The following LRRC37A2 variants were observed in gnomAD, a reference collection of about 807,000 sequenced individuals.
LRRC37A2 encodes the protein leucine-rich repeat-containing protein 37A2.
In LRRC37A2, 9 loss-of-function variants were observed where a neutral mutation model predicts 68.8. The observed-to-expected ratio is 0.13, with a 90% CI of 0.08 to 0.23. The LOEUF (loss-of-function observed/expected upper bound fraction) is 0.23. Ranked by LOEUF, LRRC37A2 falls within the 10% of genes least tolerant of loss-of-function variation. LRRC37A2 has a pLI of 1.00. For synonymous variants in LRRC37A2, 63 were observed against 367.6 expected (o/e 0.17, Z 9.48); for missense variants, 168 against 950.4 (o/e 0.18, Z 10.82).
chr17:46,940,099 T>A, the LRRC37A2 span: 2 of 1,158,336 alleles, frequency 1.7e-6, no homozygotes, highest in South Asian at 5.3e-5. Flanking sequence ...TTTCCCTTCC[T>A]TTCTGTGTTC....
chr17:46,884,923 G>A, the LRRC37A2 span: 1 of 347,216 alleles, frequency 2.9e-6, no homozygotes, highest in South Asian at 2.1e-5. Context: ...AGTGAAATTT[G>A]TGAACTCCCC....
chr17:46,501,062 A>T, the LRRC37A2 span, among the ~76,000 whole-genome samples: 1 of 151,304 alleles, frequency 6.6e-6, no homozygotes, highest in African/African-American at 2.5e-5. Flanking sequence ...GGTACTTTTT[A>T]AAATTTTTTT....
At chr17:46,871,645 G>T in the LRRC37A2 span, among the ~76,000 whole-genome samples, 1 of 152,186 alleles carries the variant, frequency 6.6e-6, no homozygotes, top group Non-Finnish European at 1.5e-5. Flanking sequence ...AGATCACTCT[G>T]CCCAGTTTCC....
the LRRC37A2 span, chr17:47,019,536 ACT>A: frequency 1.3e-6 from 2 of 1,509,224 alleles, no homozygotes; most frequent in Non-Finnish European, 1.8e-6. Context: ...TCAGCTTCAG[ACT>A]CTGCATCGAA....
At chr17:46,982,751 C>G in the LRRC37A2 span, among the ~76,000 whole-genome samples, 1 of 152,240 alleles carries the variant, frequency 6.6e-6, no homozygotes, top group South Asian at 2.1e-4. Context: ...GGAGAGAGAC[C>G]TTGGGCTTGT....
chr17:46,902,339 A>C, the LRRC37A2 span, among the ~76,000 whole-genome samples: 21,159 of 152,116 alleles, frequency 0.14, 3,186 homozygotes, highest in African/African-American at 0.38. Flanking sequence ...ACTTGTGCTA[A>C]CCTTGTCAGA....
At chr17:47,030,678 T>G in the LRRC37A2 span, among the ~76,000 whole-genome samples, 74 of 151,906 alleles carry the variant, frequency 4.9e-4, no homozygotes, top group African/African-American at 1.7e-3. Flanking sequence ...GCTGGGCTCC[T>G]TTGGAGTCAA....
chr17:46,474,288 G>A, the LRRC37A2 span, among the ~76,000 whole-genome samples: 4 of 95,726 alleles, frequency 4.2e-5, 2 homozygotes, highest in Non-Finnish European at 9.2e-5. Context: ...GACCTAAGTT[G>A]ATCCATCCTC....
the LRRC37A2 span, among the ~76,000 whole-genome samples, chr17:46,934,842 C>T: frequency 6.6e-6 from 1 of 152,176 alleles, no homozygotes; most frequent in Non-Finnish European, 1.5e-5. Context: ...TGAGGAAGTT[C>T]CTCTTCTGTG....
the LRRC37A2 span, chr17:46,872,489 C>G: frequency 1.4e-6 from 2 of 1,463,958 alleles, no homozygotes; most frequent in Non-Finnish European, 1.8e-6. Context: ...CCAAGGCTCA[C>G]CTGTCTCCCT....
chr17:47,033,631 T>C, the LRRC37A2 span, among the ~76,000 whole-genome samples: 1 of 152,204 alleles, frequency 6.6e-6, no homozygotes, highest in Non-Finnish European at 1.5e-5. Flanking sequence ...AAGACAGTGA[T>C]GACATGCTCC....
the LRRC37A2 span, among the ~76,000 whole-genome samples, chr17:46,821,626 G>A: frequency 2.6e-5 from 4 of 152,354 alleles, no homozygotes; most frequent in Non-Finnish European, 4.4e-5. Context: ...AGGAAGGGTG[G>A]TCTCTTGGAA....
the LRRC37A2 span, among the ~76,000 whole-genome samples, chr17:46,920,699 C>A: frequency 0.076 from 11,536 of 152,266 alleles, 580 homozygotes; most frequent in Non-Finnish European, 0.11. Context: ...CGACCCCCAG[C>A]TCAGCTCAAT....
chr17:46,885,935 G>A, the LRRC37A2 span: 1 of 152,240 alleles, frequency 6.6e-6, no homozygotes, highest in African/African-American at 2.4e-5. Flanking sequence ...CTGTGCAGAA[G>A]CCTGAACCTG....
chr17:46,907,752 G>A, the LRRC37A2 span, among the ~76,000 whole-genome samples: 56 of 151,520 alleles, frequency 3.7e-4, no homozygotes, highest in Admixed American at 2.8e-3. Flanking sequence ...CTCAGCGGGG[G>A]GGGTGAGGCA....
At chr17:46,804,073 C>T in the LRRC37A2 span, among the ~76,000 whole-genome samples, 1 of 151,884 alleles carries the variant, frequency 6.6e-6, no homozygotes, top group East Asian at 2.0e-4. Flanking sequence ...CTTGATCCTG[C>T]TCTTCTGTTT....
chr17:46,751,407 A>G, the LRRC37A2 span: 43 of 836,244 alleles, frequency 5.1e-5, no homozygotes, highest in East Asian at 2.6e-5. Flanking sequence ...ACAGTTAGGT[A>G]GTTCTTATCA....
chr17:46,873,085 T>C, the LRRC37A2 span, among the ~76,000 whole-genome samples: 5 of 91,690 alleles, frequency 5.5e-5, no homozygotes, highest in South Asian at 1.2e-3. Context: ...CCTCTGCCTC[T>C]TCACACACAC....
At chr17:46,939,909 G>A in the LRRC37A2 span, 1 of 998,282 alleles carries the variant, frequency 1.0e-6, no homozygotes, top group Non-Finnish European at 1.2e-6. Flanking sequence ...GACCTGGTTA[G>A]TGTATGTTCT....
Sources: allele counts gnomAD v4.1 joint callset (sites outside exome capture counted in the v4.1 genomes callset), GRCh38; gene constraint gnomAD v4.1.1; transcripts MANE v1.5; gene names NCBI Gene and HGNC (gene_info 2026-07-23, HGNC 2026-07-21).